The following CRYBG1 variants were observed in gnomAD, a reference collection of about 807,000 sequenced individuals.
The protein encoded by CRYBG1 is beta/gamma crystallin domain-containing protein 1.
In CRYBG1, 139 loss-of-function variants were observed where a neutral mutation model predicts 189.2. The observed-to-expected ratio is 0.73, with a 90% CI of 0.64 to 0.85. The LOEUF (loss-of-function observed/expected upper bound fraction) is 0.85, where lower values mean the gene tolerates loss of function less well. Among genes scored for constraint, CRYBG1 ranks in the 40% least tolerant of loss-of-function variants. The probability of loss-of-function intolerance (pLI) is 0.00; values close to 1 mark genes in which losing one functional copy is unlikely to be tolerated. For synonymous variants in CRYBG1, 1,023 were observed against 1,017.1 expected (o/e 1.01, Z -0.11); for missense variants, 2,611 against 2,675.8 (o/e 0.98, Z 0.53).
In CRYBG1 at chr6:106,400,113, G is replaced by T. The variant is rs1029479272; in HGVS notation, c.173+39032G>T. 2.1e-5 allele frequency among the ~76,000 whole-genome samples: 3 copies of T among 144,288 alleles called. 1 individual carries two copies. In the South Asian group the frequency reaches 6.8e-4, roughly 33 times the overall value. 94.7% of individuals were successfully genotyped at this position (144,288 alleles called of 152,430 possible). A position where few individuals can be genotyped will look rare whatever the true frequency, so the allele number is the denominator to read the frequency against. ...TTCGTGGCACTGCACTCCAGCCTGG[G>T]TGACAAGAGTGAGACTCCATCTCAA... On this transcript the variant is annotated intron_variant, in intron 1 of 21. Transcript: ENST00000633556.
chr6:106,560,111 T>C (rs1774669493), intron 18 of CRYBG1, among the ~76,000 whole-genome samples: 1 of 152,056 alleles, frequency 6.6e-6, no homozygotes, highest in Non-Finnish European at 1.5e-5. Context: ...AATTATAGAA[T>C]ATTAGGGTGG....
At chr6:106,503,292 C>T (rs940817075) in intron 2 of CRYBG1, among the ~76,000 whole-genome samples, 2 of 152,126 alleles carry the variant, frequency 1.3e-5, no homozygotes, top group Non-Finnish European at 2.9e-5. Context: ...GGAGGGTGAG[C>T]CTACGGAAAG....
At chr6:106,430,436 A>G (rs530952586) in intron 1 of CRYBG1, among the ~76,000 whole-genome samples, 39 of 152,108 alleles carry the variant, frequency 2.6e-4, no homozygotes, top group Non-Finnish European at 3.8e-4. Context: ...GGATTTTAGC[A>G]CAAGGCTATG....
chr6:106,401,627 A>G (rs1770723227), intron 1 of CRYBG1, among the ~76,000 whole-genome samples: 1 of 112,516 alleles, frequency 8.9e-6, no homozygotes, highest in Admixed American at 9.7e-5. Context: ...TCATTGTTCA[A>G]TTCCCACCTA....
Position 106,544,803 on chromosome 6 carries a change from C to T in CRYBG1, c.5182C>T (p.His1728Tyr). 6.2e-7 allele frequency: 1 copy of T among 1,601,542 alleles called. No individual in the cohort carries two copies. Among genetic ancestry groups the T allele is most frequent in the Middle Eastern group, 1.7e-4 (1 of 5,954 alleles). ...RPILGDFSNA[H>Y]MIMYSEKNFG... ...TTCTCAATAGGATTTTTCAAATGCT[C>T]ACATGATAATGTACAGTGAAAAAAA... The change falls in exon 13 of 22, where the codon CAC becomes TAC. Residue 1728 changes from histidine to tyrosine, a missense_variant. Around this residue, in one of 3 missense-constraint regions of CRYBG1, gnomAD observed 1,622 missense variants for 1,735.0 expected, o/e 0.93. Coordinates refer to ENST00000633556, the MANE Select transcript of CRYBG1 (RefSeq NM_001371242.2).
rs750575859 is a variant in CRYBG1 at position 106,530,203 on chromosome 6, T to G, written c.4606T>G (p.Phe1536Val). The change falls in exon 8 of 22, where the codon TTT becomes GTT. Residue 1536 changes from phenylalanine (F) to valine (V), a missense_variant. Phe to Val is a conservative substitution (Grantham distance 50). Coordinates refer to ENST00000633556, the MANE Select transcript of CRYBG1 (RefSeq NM_001371242.2). ...QDYRVSHIDL[F>V]TEPEGLGILS... ...TTACAGAGTTAGTCACATTGACTTA[T>G]TTACTGAACCAGAAGGGTTAGGAAT... is the stretch of plus-strand genomic sequence containing the variant. 6 of 1,612,752 alleles carry G rather than the reference T, an allele frequency of 3.7e-6. No individual in the cohort carries two copies. In the South Asian group the frequency reaches 6.6e-5, roughly 18 times the overall value.
intron 2 of CRYBG1, among the ~76,000 whole-genome samples, chr6:106,489,318 G>A (rs1197530237): frequency 2.6e-5 from 4 of 151,938 alleles, no homozygotes; most frequent in African/African-American, 9.7e-5. Context: ...GGGTTAGGGG[G>A]ATGAAAGCCA....
At chr6:106,529,165 C>T (rs1343501471) in intron 7 of CRYBG1, among the ~76,000 whole-genome samples, 4 of 152,110 alleles carry the variant, frequency 2.6e-5, no homozygotes, top group Admixed American at 6.6e-5. Flanking sequence ...AGGCTGCTCT[C>T]GAACGCCTGA....
At chr6:106,523,712 C>G (rs1355066142) in intron 4 of CRYBG1, among the ~76,000 whole-genome samples, 1 of 146,648 alleles carries the variant, frequency 6.8e-6, no homozygotes, top group Non-Finnish European at 1.5e-5. Context: ...TGATAAGGCT[C>G]TAGGGGGGCC....
At chr6:106,550,206 C>T (rs1434276383) in intron 13 of CRYBG1, among the ~76,000 whole-genome samples, 2 of 152,182 alleles carry the variant, frequency 1.3e-5, no homozygotes, top group African/African-American at 4.8e-5. Flanking sequence ...AATGAATTAA[C>T]TTACTGTGTC....
At chr6:106,503,170 A>T (rs940764720) in intron 2 of CRYBG1, among the ~76,000 whole-genome samples, 59 of 152,176 alleles carry the variant, frequency 3.9e-4, no homozygotes, top group Admixed American at 3.3e-3. Context: ...TGGAGAGATT[A>T]GGGGGGAAAT....
intron 2 of CRYBG1, among the ~76,000 whole-genome samples, chr6:106,496,268 T>G (rs1772849320): frequency 6.6e-6 from 1 of 152,200 alleles, no homozygotes; most frequent in African/African-American, 2.4e-5. Context: ...GCTTCACCAG[T>G]TTGGTCATAG....
At chr6:106,556,190 C>A (rs1774542063) in intron 17 of CRYBG1, among the ~76,000 whole-genome samples, 2 of 152,214 alleles carry the variant, frequency 1.3e-5, no homozygotes, top group Admixed American at 1.3e-4. Flanking sequence ...TAAGAACAGG[C>A]AGTTTCATTC....
At chr6:106,550,665 T>C (rs1401286557) in intron 13 of CRYBG1, among the ~76,000 whole-genome samples, 3 of 152,192 alleles carry the variant, frequency 2.0e-5, no homozygotes, top group Non-Finnish European at 4.4e-5. Context: ...ATTTTAGTTC[T>C]GTTCTGCATT....
At chr6:106,466,918 G>A (rs567163046) in intron 2 of CRYBG1, among the ~76,000 whole-genome samples, 369 of 152,258 alleles carry the variant, frequency 2.4e-3, no homozygotes, top group African/African-American at 8.6e-3. Flanking sequence ...TTCAGAGATG[G>A]CATTAGTATT....
At chr6:106,464,317 A>AC (rs1159674181) in intron 2 of CRYBG1, among the ~76,000 whole-genome samples, 2 of 151,960 alleles carry the variant, frequency 1.3e-5, no homozygotes, top group South Asian at 2.1e-4. Context: ...ACATGATGAA[A>AC]CCCATCTCTA....
chr6:106,387,555 C>T (rs1228750892), intron 1 of CRYBG1, among the ~76,000 whole-genome samples: 1 of 152,234 alleles, frequency 6.6e-6, no homozygotes, highest in Non-Finnish European at 1.5e-5. Flanking sequence ...GTCACACCTC[C>T]ACCCTAGTAA....
Position 106,543,548 on chromosome 6 carries a change from G to A in CRYBG1, c.4990G>A (p.Asp1664Asn), listed in dbSNP as rs778006162. Residue 1664 changes from aspartate to asparagine, a missense_variant, in exon 11 of 22, where the codon GAT becomes AAT. Asp to Asn is a conservative substitution (Grantham distance 23). Coordinates refer to ENST00000633556, the MANE Select transcript of CRYBG1 (RefSeq NM_001371242.2). ...TGAAACAGAAGAGGCGACTGGAGAC[G>A]ATCATTTGCCGTTTACGTCAGTGGG... ...GGETEEATGD[D>N]HLPFTSVGSM... is the part of the protein sequence containing the mutation. The A allele has an allele frequency of 8.1e-6, 13 of 1,613,948 alleles. No individual in the cohort carries two copies. Among genetic ancestry groups the A allele is most frequent in the East Asian group, 4.5e-5 (2 of 44,898 alleles).
At chr6:106,560,207 AT>A (rs1466680991) in intron 18 of CRYBG1, among the ~76,000 whole-genome samples, 2 of 151,780 alleles carry the variant, frequency 1.3e-5, no homozygotes, top group Non-Finnish European at 2.9e-5. Context: ...TTTATCCAGG[AT>A]TTAAGTTCCA....
Sources: allele counts gnomAD v4.1 joint callset (sites outside exome capture counted in the v4.1 genomes callset), GRCh38; gene constraint gnomAD v4.1.1; regional missense constraint gnomAD v4.1.1; transcripts MANE v1.5; gene names NCBI Gene and HGNC (gene_info 2026-07-23, HGNC 2026-07-21).